Variants in PDE4B observed in about 807,000 individuals in gnomAD.
The protein encoded by PDE4B is phosphodiesterase 4B, also known as 3',5'-cyclic-AMP phosphodiesterase 4B.
A neutral mutation model predicts 82.2 loss-of-function variants in PDE4B; 20 were observed. That is an observed-to-expected ratio of 0.24 (90% confidence interval 0.17 to 0.35). PDE4B has a LOEUF of 0.35. PDE4B is among the 10% of genes least tolerant of loss of function. The pLI, the probability that PDE4B is intolerant of heterozygous loss-of-function variation, is 1.00. For missense variants in PDE4B, 655 were observed against 907.2 expected (o/e 0.72, Z 3.57); for synonymous variants, 320 against 318.9 (o/e 1.00, Z -0.04).
intron 1 of PDE4B, among the ~76,000 whole-genome samples, chr1:65,809,929 G>A (rs1378584554): frequency 1.3e-5 from 2 of 152,238 alleles, no homozygotes; most frequent in African/African-American, 4.8e-5. Flanking sequence ...AGTTTCTGCT[G>A]TGGATCTTTT....
intron 3 of PDE4B, among the ~76,000 whole-genome samples, chr1:66,228,679 C>T (rs534471962): frequency 6.6e-6 from 1 of 151,260 alleles, no homozygotes; most frequent in Admixed American, 6.6e-5. Context: ...TTATTTGTCT[C>T]ATGCAACAAG....
intron 3 of PDE4B, among the ~76,000 whole-genome samples, chr1:66,159,902 C>G (rs1646576945): frequency 6.6e-6 from 1 of 152,110 alleles, no homozygotes; most frequent in South Asian, 2.1e-4. Context: ...CTTTAAGTTC[C>G]TGAATTAGGT....
intron 3 of PDE4B, among the ~76,000 whole-genome samples, chr1:65,932,495 A>G (rs1486143693): frequency 1.3e-5 from 2 of 152,106 alleles, no homozygotes; most frequent in African/African-American, 4.8e-5. Flanking sequence ...TTATAAGTTT[A>G]GTCTGTGAAG....
chr1:66,290,802 C>T (rs891164980), intron 7 of PDE4B, among the ~76,000 whole-genome samples: 1 of 152,170 alleles, frequency 6.6e-6, no homozygotes, highest in Non-Finnish European at 1.5e-5. Flanking sequence ...CTTCCACCCA[C>T]CAGGCTACCC....
At chr1:66,176,016 T>C (rs143046813) in intron 3 of PDE4B, among the ~76,000 whole-genome samples, 1 of 152,332 alleles carries the variant, frequency 6.6e-6, no homozygotes, top group East Asian at 1.9e-4. Flanking sequence ...AAAAGCTATT[T>C]AGTACTTAGA....
At chr1:66,098,760 G>T (rs751401745) in intron 3 of PDE4B, among the ~76,000 whole-genome samples, 4 of 152,082 alleles carry the variant, frequency 2.6e-5, no homozygotes, top group Admixed American at 2.6e-4. Flanking sequence ...TCAAATTAGA[G>T]CATTAAAAAG....
chr1:66,118,898 CA>C (rs1645652476), intron 3 of PDE4B, among the ~76,000 whole-genome samples: 1 of 151,328 alleles, frequency 6.6e-6, no homozygotes, highest in Non-Finnish European at 1.5e-5. Context: ...CCTTTTTTTT[CA>C]AAATCACCTC....
Position 65,911,801 on chromosome 1 carries a change from TTC to T in PDE4B, c.-70-1441_-70-1440del, listed in dbSNP as rs1267878205. On this transcript the variant is annotated intron_variant, in intron 1 of 16. Transcript: ENST00000341517. ...CCTAGAGCACTTATAAAGGCAAAGTTTCTCCCTTCCCCCATTCTCTTATCTAC... is the reference window on the plus strand; with the variant it reads ...CCTAGAGCACTTATAAAGGCAAAGTTTCCCTTCCCCCATTCTCTTATCTAC... Among the ~76,000 whole-genome samples the T allele has an allele frequency of 5.3e-5, 8 of 152,242 alleles. No individual in the cohort carries two copies. In the East Asian group the frequency reaches 1.5e-3, roughly 29 times the overall value.
At chr1:65,813,949 T>C (rs1645850187) in intron 1 of PDE4B, among the ~76,000 whole-genome samples, 1 of 151,302 alleles carries the variant, frequency 6.6e-6, no homozygotes, top group South Asian at 2.1e-4. Flanking sequence ...GATTTGTTTG[T>C]CTTCAGTGTT....
intron 3 of PDE4B, among the ~76,000 whole-genome samples, chr1:66,174,195 G>T (rs12062877): frequency 6.6e-6 from 1 of 152,112 alleles, no homozygotes; most frequent in African/African-American, 2.4e-5. Flanking sequence ...ATTACACCAC[G>T]TCAATTAATT....
intron 3 of PDE4B, among the ~76,000 whole-genome samples, chr1:66,012,182 C>A (rs1652523059): frequency 6.6e-6 from 1 of 152,056 alleles, no homozygotes; most frequent in Non-Finnish European, 1.5e-5. Context: ...GAAAGACAAT[C>A]TTTTAAGGAG....
At chr1:66,043,723 T>C (rs1654523781) in intron 3 of PDE4B, among the ~76,000 whole-genome samples, 1 of 151,772 alleles carries the variant, frequency 6.6e-6, no homozygotes. Context: ...CTTTTTAAAG[T>C]GCACAAACAC....
chr1:65,910,900 G>T (rs1199065883), intron 1 of PDE4B, among the ~76,000 whole-genome samples: 1 of 152,138 alleles, frequency 6.6e-6, no homozygotes, highest in Non-Finnish European at 1.5e-5. Flanking sequence ...GGCAGATGAG[G>T]AATATCCAGA....
chr1:65,926,717 C>A (rs1647521307), intron 3 of PDE4B, among the ~76,000 whole-genome samples: 1 of 152,020 alleles, frequency 6.6e-6, no homozygotes, highest in African/African-American at 2.4e-5. Flanking sequence ...TACTTCACTT[C>A]TTTTGCTTTC....
chr1:66,169,394 A>C (rs1646796708), intron 3 of PDE4B, among the ~76,000 whole-genome samples: 1 of 152,220 alleles, frequency 6.6e-6, no homozygotes, highest in Admixed American at 6.5e-5. Flanking sequence ...CTGAAAGTTG[A>C]ATTCATTATT....
chr1:65,840,622 A>G (rs917682795), intron 1 of PDE4B, among the ~76,000 whole-genome samples: 9 of 152,232 alleles, frequency 5.9e-5, no homozygotes, highest in South Asian at 2.1e-4. Flanking sequence ...ATTTAAGGGC[A>G]TGAGCCATCT....
At chr1:66,354,388 A>C in intron 8 of PDE4B, 1 of 986,564 alleles carries the variant, frequency 1.0e-6, no homozygotes, top group Non-Finnish European at 1.2e-6. Context: ...CTCCATTTTA[A>C]TCTTCTCCTT....
intron 7 of PDE4B, among the ~76,000 whole-genome samples, chr1:66,311,979 T>G (rs1658706250): frequency 1.3e-5 from 2 of 152,192 alleles, no homozygotes; most frequent in Non-Finnish European, 2.9e-5. Context: ...CCCAAATGTA[T>G]AGGTCTGGGA....
At chr1:66,088,189 T>A (rs1034472634) in intron 3 of PDE4B, among the ~76,000 whole-genome samples, 2 of 151,988 alleles carry the variant, frequency 1.3e-5, no homozygotes, top group Non-Finnish European at 2.9e-5. Flanking sequence ...GAGGACACAG[T>A]GAATCTGAAG....
Sources: allele counts gnomAD v4.1 joint callset (sites outside exome capture counted in the v4.1 genomes callset), GRCh38; gene constraint gnomAD v4.1.1; transcripts MANE v1.5; gene names NCBI Gene and HGNC (gene_info 2026-07-23, HGNC 2026-07-21).